WWOX: variants seen among roughly 807,000 people sequenced by gnomAD.
WWOX encodes WW domain containing oxidoreductase, also known as WW domain-containing oxidoreductase.
In WWOX, 69 loss-of-function variants were observed where a neutral mutation model predicts 46.2. The observed-to-expected ratio is 1.49, with a 90% CI of 1.23 to 1.82. The LOEUF (loss-of-function observed/expected upper bound fraction) is 1.82, where lower values mean the gene tolerates loss of function less well. Ranked by LOEUF, WWOX falls within the 40% of genes most tolerant of loss-of-function variation. The probability of loss-of-function intolerance (pLI) is 0.00; values close to 1 mark genes in which losing one functional copy is unlikely to be tolerated. For missense variants in WWOX, 919 were observed against 542.6 expected (o/e 1.69, Z -6.89); for synonymous variants, 359 against 202.6 (o/e 1.77, Z -6.56).
At chr16:78,661,160 A>G (rs1185780333) in intron 8 of WWOX, among the ~76,000 whole-genome samples, 1 of 152,148 alleles carries the variant, frequency 6.6e-6, no homozygotes, top group African/African-American at 2.4e-5. Flanking sequence ...CACCAAAATT[A>G]CTAAACTGTC....
chr16:78,693,069 C>T (rs933179692), intron 8 of WWOX, among the ~76,000 whole-genome samples: 9 of 152,202 alleles, frequency 5.9e-5, no homozygotes, highest in African/African-American at 1.4e-4. Flanking sequence ...CAGAGCTTGC[C>T]AGCAACCTTT....
At chr16:78,783,964 G>A (rs960783169) in intron 8 of WWOX, among the ~76,000 whole-genome samples, 1 of 151,988 alleles carries the variant, frequency 6.6e-6, no homozygotes, top group Non-Finnish European at 1.5e-5. Context: ...TGGTGATGCT[G>A]GTGATGATGA....
At chr16:79,207,297 A>T (rs1468911940) in intron 8 of WWOX, among the ~76,000 whole-genome samples, 1 of 152,252 alleles carries the variant, frequency 6.6e-6, no homozygotes, top group African/African-American at 2.4e-5. Flanking sequence ...CCAGATGAGT[A>T]ACAATGGAAG....
At chr16:78,711,429 C>A (rs769463312) in intron 8 of WWOX, among the ~76,000 whole-genome samples, 1 of 152,178 alleles carries the variant, frequency 6.6e-6, no homozygotes, top group Non-Finnish European at 1.5e-5. Flanking sequence ...TGGCTGCAGC[C>A]ACTCAGAATC....
chr16:78,194,851 A>T (rs2035998253), intron 5 of WWOX, among the ~76,000 whole-genome samples: 1 of 152,082 alleles, frequency 6.6e-6, no homozygotes, highest in Non-Finnish European at 1.5e-5. Context: ...CTTAGAACCC[A>T]CTAACGCTCT....
intron 8 of WWOX, among the ~76,000 whole-genome samples, chr16:79,111,793 T>C (rs144672593): frequency 5.3e-5 from 8 of 152,324 alleles, no homozygotes; most frequent in African/African-American, 1.4e-4. Flanking sequence ...TTATGATTTA[T>C]AGACCACACC....
rs565922900 is a variant in WWOX, at chr16:79,079,811, G to C, written c.1057-131797G>C. Among the ~76,000 whole-genome samples, 41 of 152,308 alleles carry C rather than the reference G, an allele frequency of 2.7e-4. 1 individual carries two copies. In the South Asian group the frequency reaches 8.5e-3, roughly 32 times the overall value. On this transcript the variant is annotated intron_variant, in intron 8 of 8. Transcript: ENST00000566780. ...AAGCATGTATCTTTGGAATAAAGGA[G>C]AGAGGGTTGGACACAAATGTGATTA...
At chr16:78,154,415 G>A (rs964244055) in intron 4 of WWOX, among the ~76,000 whole-genome samples, 23 of 150,076 alleles carry the variant, frequency 1.5e-4, no homozygotes, top group Non-Finnish European at 8.9e-5. Flanking sequence ...GTTTTCGCTT[G>A]CTTCATGGAG....
At chr16:78,552,025 C>G (rs2044186976) in intron 8 of WWOX, 1 of 152,472 alleles carries the variant, frequency 6.6e-6, no homozygotes, top group South Asian at 2.1e-4. Context: ...GGGGGGCACC[C>G]ATTCTTGGCT....
chr16:79,002,889 A>C (rs2047121267), intron 8 of WWOX, among the ~76,000 whole-genome samples: 1 of 152,220 alleles, frequency 6.6e-6, no homozygotes, highest in African/African-American at 2.4e-5. Flanking sequence ...AAACATGTCA[A>C]GGGAGACTGC....
intron 8 of WWOX, among the ~76,000 whole-genome samples, chr16:78,452,057 T>A (rs1416913971): frequency 6.6e-6 from 1 of 152,220 alleles, no homozygotes; most frequent in African/African-American, 2.4e-5. Flanking sequence ...GCATGTTCTT[T>A]CTTTAAGTCA....
At position 78,170,814 on chromosome 16, in the gene WWOX, G is replaced by T. The variant is rs538555580; in HGVS notation, c.516+6525G>T. Among the ~76,000 whole-genome samples, 7 of 152,330 alleles carry T rather than the reference G, an allele frequency of 4.6e-5. No homozygotes were observed. The South Asian group carries it at 1.0e-3, about 23-fold the overall frequency. ...AGCAAGCAATGGTTTATATCAAAAT[G>T]ATTATTGAGAAAGCAGAGAGATGAG... On this transcript the variant is annotated intron_variant, in intron 5 of 8. Transcript: ENST00000566780.
At chr16:79,103,755 C>T (rs1397262504) in intron 8 of WWOX, among the ~76,000 whole-genome samples, 1 of 152,032 alleles carries the variant, frequency 6.6e-6, no homozygotes, top group Non-Finnish European at 1.5e-5. Context: ...CCGTTCAAGG[C>T]ATTCAGTTTC....
chr16:78,312,494 C>A (rs1046033357), intron 5 of WWOX, among the ~76,000 whole-genome samples: 4 of 151,480 alleles, frequency 2.6e-5, no homozygotes, highest in Non-Finnish European at 5.9e-5. Flanking sequence ...TCTGCCTCAG[C>A]CTCCTGAGTA....
At chr16:79,171,220 T>A (rs2050693813) in intron 8 of WWOX, among the ~76,000 whole-genome samples, 1 of 152,192 alleles carries the variant, frequency 6.6e-6, no homozygotes, top group South Asian at 2.1e-4. Context: ...GGGGAAAATG[T>A]AGACGAGGTT....
At chr16:79,104,413 AT>A (rs1470870940) in intron 8 of WWOX, among the ~76,000 whole-genome samples, 2 of 152,278 alleles carry the variant, frequency 1.3e-5, no homozygotes, top group South Asian at 2.1e-4. Context: ...CACCATTAAC[AT>A]TTTGCTATAA....
At chr16:78,665,099 C>T (rs746863823) in intron 8 of WWOX, among the ~76,000 whole-genome samples, 10 of 152,112 alleles carry the variant, frequency 6.6e-5, no homozygotes, top group Non-Finnish European at 1.3e-4. Flanking sequence ...TAGGTAAATG[C>T]GATGGGGACA....
intron 5 of WWOX, among the ~76,000 whole-genome samples, chr16:78,245,345 A>G (rs1305496563): frequency 6.6e-6 from 1 of 152,208 alleles, no homozygotes; most frequent in Admixed American, 6.5e-5. Context: ...GGCCACGAAC[A>G]TCTTTGGTTC....
At chr16:78,814,570 G>A (rs1428385451) in intron 8 of WWOX, among the ~76,000 whole-genome samples, 2 of 152,090 alleles carry the variant, frequency 1.3e-5, no homozygotes, top group Non-Finnish European at 2.9e-5. Context: ...AAAGGCACCT[G>A]TGTACTTTTC....
Sources: gnomAD v4.1 joint callset for allele counts (sites outside exome capture counted in the v4.1 genomes callset) on GRCh38, gnomAD v4.1.1 for gene constraint, MANE v1.5 for transcripts, NCBI Gene and HGNC (gene_info 2026-07-23, HGNC 2026-07-21) for gene names.